CDH2: variants seen among roughly 807,000 people sequenced by gnomAD.
The protein encoded by CDH2 is cadherin 2, also known as cadherin-2.
A neutral mutation model predicts 92.0 loss-of-function variants in CDH2; 17 were observed. The ratio of observed to expected loss-of-function variants is 0.18; its 90% CI spans 0.13 to 0.28. The LOEUF (loss-of-function observed/expected upper bound fraction) is 0.28, where lower values mean the gene tolerates loss of function less well. Ranked by LOEUF, CDH2 falls within the 10% of genes least tolerant of loss-of-function variation. CDH2 has a pLI of 1.00. For synonymous variants in CDH2, 419 were observed against 415.9 expected (o/e 1.01, Z -0.09); for missense variants, 862 against 1,133.1 (o/e 0.76, Z 3.44).
rs17493828 is a variant in CDH2 at position 28,025,524 on chromosome 18, A to T, written c.173-11615T>A. On this transcript the variant is annotated intron_variant, in intron 2 of 15. Coordinates refer to ENST00000269141, the MANE Select transcript of CDH2 (RefSeq NM_001792.5). Reference sequence around the variant, plus strand: ...CAGAGCGAGACTGTCTCCAGAAAAAAAATAATAATAATAATAAAAATAATA... The same window carrying T: ...CAGAGCGAGACTGTCTCCAGAAAAATAATAATAATAATAATAAAAATAATA... Among the ~76,000 whole-genome samples, 1,466 of 150,004 alleles carry T rather than the reference A, an allele frequency of 9.8e-3. 16 individuals are homozygous for T. Among genetic ancestry groups the T allele is most frequent in the East Asian group, 0.042 (216 of 5,136 alleles).
intron 9 of CDH2, among the ~76,000 whole-genome samples, chr18:27,991,482 A>G (rs1055033023): frequency 1.3e-5 from 2 of 152,224 alleles, no homozygotes; most frequent in Non-Finnish European, 2.9e-5. Flanking sequence ...GAGTGATTTC[A>G]CTAGCCACAC....
intron 3 of CDH2, among the ~76,000 whole-genome samples, chr18:28,013,384 TTTTA>T (rs1244472930): frequency 3.9e-5 from 6 of 152,198 alleles, no homozygotes; most frequent in Non-Finnish European, 8.8e-5. Flanking sequence ...TATTTTGTGG[TTTTA>T]TTTAACAGCT....
chr18:28,095,655 T>C (rs2015118977), intron 2 of CDH2, among the ~76,000 whole-genome samples: 1 of 151,384 alleles, frequency 6.6e-6, no homozygotes. Flanking sequence ...CCATCGCCAC[T>C]AAAAATTAGC....
At chr18:28,092,808 C>G (rs1388891084) in intron 2 of CDH2, among the ~76,000 whole-genome samples, 1 of 152,130 alleles carries the variant, frequency 6.6e-6, no homozygotes, top group Non-Finnish European at 1.5e-5. Flanking sequence ...TCACATCTGT[C>G]CCCCTATTTT....
At chr18:27,988,389 A>C in intron 11 of CDH2, 135 bp downstream of exon 11, 1 of 701,460 alleles carries the variant, frequency 1.4e-6, no homozygotes, top group South Asian at 2.0e-5. Context: ...GAAATGATAA[A>C]TAAAAGCTGG....
intron 2 of CDH2, among the ~76,000 whole-genome samples, chr18:28,022,721 A>G (rs1288204225): frequency 6.6e-5 from 10 of 152,162 alleles, no homozygotes; most frequent in Admixed American, 6.6e-4. Flanking sequence ...AAGTACTTCA[A>G]AATAATGAGT....
intron 7 of CDH2, among the ~76,000 whole-genome samples, chr18:27,995,435 GGA>G (rs1458326690): frequency 1.2e-4 from 19 of 152,102 alleles, no homozygotes; most frequent in African/African-American, 4.6e-4. Context: ...GAATTTCGCA[GGA>G]CATTCAGTTC....
At chr18:28,093,501 A>G (rs952239242) in intron 2 of CDH2, among the ~76,000 whole-genome samples, 10 of 152,138 alleles carry the variant, frequency 6.6e-5, no homozygotes, top group African/African-American at 2.4e-4. Flanking sequence ...CATATGGAAG[A>G]TACTATTTAG....
At chr18:28,027,750 T>A (rs1225976862) in intron 2 of CDH2, among the ~76,000 whole-genome samples, 1 of 152,098 alleles carries the variant, frequency 6.6e-6, no homozygotes, top group Non-Finnish European at 1.5e-5. Context: ...CCTCCAGGCA[T>A]CTCTATGCTA....
intron 15 of CDH2, among the ~76,000 whole-genome samples, 155 bp downstream of exon 15, chr18:27,963,202 A>AAGCCACATTTGCTTTCACACAAG (rs1336854267): frequency 6.6e-6 from 1 of 152,224 alleles, no homozygotes; most frequent in African/African-American, 2.4e-5. Flanking sequence ...GTTGTTAATG[A>AAGCCACATTTGCTTTCACACAAG]AGCCACATTT....
At chr18:28,176,048 G>A (rs1171382534) in intron 1 of CDH2, among the ~76,000 whole-genome samples, 1 of 152,224 alleles carries the variant, frequency 6.6e-6, no homozygotes, top group African/African-American at 2.4e-5. Context: ...CTGGGAACCC[G>A]CAGCGTGCAG....
intron 2 of CDH2, among the ~76,000 whole-genome samples, chr18:28,120,583 C>T (rs968130085): frequency 6.6e-5 from 10 of 151,952 alleles, no homozygotes; most frequent in East Asian, 1.9e-4. Flanking sequence ...TGGCCGAACA[C>T]GCTGTATGTA....
At chr18:27,940,697 C>T (rs531242159) in intron 6 of CDH2, among the ~76,000 whole-genome samples, 6 of 152,182 alleles carry the variant, frequency 3.9e-5, no homozygotes, top group East Asian at 3.9e-4. Context: ...GGACTAGTCA[C>T]GTGAGAAATA....
rs558599035 is a variant in CDH2, at chr18:28,164,213, C to T, written c.60+12750G>A. On this transcript the variant is annotated intron_variant, in intron 1 of 15. Transcript: ENST00000269141. Reference sequence around the variant, plus strand: ...TTCAAATACATATCAAACCTAGATACACAGGCCCTGACATCAGGCTACTTG... The same window carrying T: ...TTCAAATACATATCAAACCTAGATATACAGGCCCTGACATCAGGCTACTTG... Among the ~76,000 whole-genome samples the T allele has an allele frequency of 1.4e-3, 212 of 152,270 alleles. 1 individual carries two copies. The highest frequency in any genetic ancestry group is 5.0e-3 in the African/African-American group (208 of 41,554).
At chr18:28,014,967 T>A (rs17468213) in intron 2 of CDH2, among the ~76,000 whole-genome samples, 40,535 of 152,150 alleles carry the variant, frequency 0.27, 5,627 homozygotes, top group Non-Finnish European at 0.29. Flanking sequence ...ATGATTTTTT[T>A]ATTTCTGTAA....
At position 28,022,229 on chromosome 18, in the gene CDH2, C is replaced by T. The variant is rs142365930; in HGVS notation, c.173-8320G>A. Among the ~76,000 whole-genome samples the T allele has an allele frequency of 5.1e-4, 78 of 151,982 alleles. 1 individual carries two copies. The East Asian group carries it at 0.014, about 27-fold the overall frequency. On this transcript the variant is annotated intron_variant, in intron 2 of 15. Transcript: ENST00000269141. ...GAATAATTTAGTTGCCATGTCAGGG[C>T]TTACCAATCCTTTCCACACATGTAC...
In CDH2 at chr18:28,085,249, G is replaced by A. The variant is rs1291091385; in HGVS notation, c.172+62424C>T. Among the ~76,000 whole-genome samples the A allele has an allele frequency of 2.6e-5, 4 of 151,904 alleles. No individual in the cohort carries two copies. The South Asian group carries it at 8.3e-4, about 32-fold the overall frequency. On this transcript the variant is annotated intron_variant, in intron 2 of 15. Transcript: ENST00000269141. The stretch of plus-strand genomic sequence containing the variant: ...CGCCACCGGCCTTATCTTAGTGTTC[G>A]CAGCTCTACTTAGCAGTCTCTTTCT...
intron 5 of CDH2, among the ~76,000 whole-genome samples, chr18:28,006,895 C>T (rs909050069): frequency 6.6e-6 from 1 of 151,322 alleles, no homozygotes; most frequent in Non-Finnish European, 1.5e-5. Flanking sequence ...TGGCTGGGCA[C>T]AGTGAGTAGC....
In CDH2 at chr18:27,995,458, C is replaced by A. The variant is rs186641994; in HGVS notation, c.1021-1821G>T. On this transcript the variant is annotated intron_variant, in intron 7 of 15. Coordinates refer to ENST00000269141, the MANE Select transcript of CDH2 (RefSeq NM_001792.5). ...CAGGACATTCAGTTCAGCCTCCCAGCTGAAAACCATGAAAATAAAAACTTT... is the reference window on the plus strand; with the variant it reads ...CAGGACATTCAGTTCAGCCTCCCAGATGAAAACCATGAAAATAAAAACTTT... Among the ~76,000 whole-genome samples, 297 of 152,188 alleles carry A rather than the reference C, an allele frequency of 2.0e-3. 5 individuals are homozygous for A. Among genetic ancestry groups the A allele is most frequent in the African/African-American group, 6.9e-3 (288 of 41,504 alleles).
Sources: gnomAD v4.1 joint callset for allele counts (sites outside exome capture counted in the v4.1 genomes callset) on GRCh38, gnomAD v4.1.1 for gene constraint, MANE v1.5 for transcripts, NCBI Gene and HGNC (gene_info 2026-07-23, HGNC 2026-07-21) for gene names.